The following SDCCAG8 variants were observed in gnomAD, a reference collection of about 807,000 sequenced individuals.
SDCCAG8 encodes the protein serologically defined colon cancer antigen 8.
SDCCAG8 carries 74 observed loss-of-function variants against 101.8 expected under a neutral mutation model. That is an observed-to-expected ratio of 0.73 (90% CI 0.60 to 0.88). The LOEUF (loss-of-function observed/expected upper bound fraction) is 0.88, where lower values mean the gene tolerates loss of function less well. Ranked by LOEUF, SDCCAG8 falls within the 40% of genes least tolerant of loss-of-function variation. The probability of loss-of-function intolerance (pLI) is 0.00; values close to 1 mark genes in which losing one functional copy is unlikely to be tolerated. For synonymous variants in SDCCAG8, 281 were observed against 292.9 expected (o/e 0.96, Z 0.41); for missense variants, 787 against 822.6 (o/e 0.96, Z 0.53).
intron 1 of SDCCAG8, chr1:243,267,735 A>G: frequency 2.5e-6 from 2 of 800,296 alleles, no homozygotes; most frequent in Non-Finnish European, 4.6e-6. Flanking sequence ...AATTGTTCAA[A>G]TCTTGGATCC....
chr1:243,274,331 C>T (rs1265664135), intron 3 of SDCCAG8, among the ~76,000 whole-genome samples: 1 of 152,168 alleles, frequency 6.6e-6, no homozygotes, highest in Non-Finnish European at 1.5e-5. Context: ...ATGCTGGGGG[C>T]CACATTTCAA....
At chr1:243,378,005 G>A (rs1191617820) in intron 12 of SDCCAG8, among the ~76,000 whole-genome samples, 1 of 151,368 alleles carries the variant, frequency 6.6e-6, no homozygotes. Flanking sequence ...TTGAGTTTCA[G>A]TAAGATAAGG....
intron 6 of SDCCAG8, among the ~76,000 whole-genome samples, chr1:243,295,001 C>T (rs2070726743): frequency 6.6e-6 from 1 of 152,116 alleles, no homozygotes; most frequent in Non-Finnish European, 1.5e-5. Flanking sequence ...TCTGCCCAGT[C>T]ACCCTCTCCT....
intron 4 of SDCCAG8, among the ~76,000 whole-genome samples, chr1:243,284,754 A>C (rs2069427470): frequency 6.6e-6 from 1 of 152,140 alleles, no homozygotes; most frequent in Admixed American, 6.5e-5. Flanking sequence ...CATATTTCAA[A>C]CTGGCTGCTT....
At chr1:243,481,325 G>A (rs986898118) in intron 16 of SDCCAG8, among the ~76,000 whole-genome samples, 23 of 152,162 alleles carry the variant, frequency 1.5e-4, no homozygotes, top group African/African-American at 5.3e-4. Context: ...GCCTTGCTCT[G>A]TGGCCTTGGT....
chr1:243,412,517 T>C (rs2080255925), intron 13 of SDCCAG8, among the ~76,000 whole-genome samples: 1 of 152,242 alleles, frequency 6.6e-6, no homozygotes, highest in African/African-American at 2.4e-5. Context: ...CAGCTTTGAA[T>C]GCAGCCCGAT....
rs180809206 is a variant in SDCCAG8, at chr1:243,459,811, C to T, written c.1986-29203C>T. 2.0e-5 allele frequency among the ~76,000 whole-genome samples: 3 copies of T among 152,200 alleles called. No homozygotes were observed. In the East Asian group the frequency reaches 5.8e-4, roughly 29 times the overall value. The stretch of plus-strand genomic sequence containing the variant: ...CTGGTGATGAGGTCTCACTACATTG[C>T]CCAGGCTGGTCTTGAACTCCTGGCC... On this transcript the variant is annotated intron_variant, in intron 16 of 17. Transcript: ENST00000366541.
intron 6 of SDCCAG8, among the ~76,000 whole-genome samples, chr1:243,296,976 T>G (rs1389442718): frequency 1.3e-5 from 2 of 152,066 alleles, no homozygotes; most frequent in Non-Finnish European, 2.9e-5. Context: ...TAACATAACA[T>G]TCAGTAAAGT....
In SDCCAG8 at chr1:243,275,864, T is replaced by G. The variant is rs935618019; in HGVS notation, c.420+1208T>G. Among the ~76,000 whole-genome samples, 8 of 133,838 alleles carry G rather than the reference T, an allele frequency of 6.0e-5. No homozygotes were observed. In the South Asian group the frequency reaches 1.6e-3, roughly 27 times the overall value. The allele number at this position is 133,838 out of a possible 152,430, so 87.8% of individuals were successfully genotyped here. ...AGAGATCTTGAACCAATGTTTTTTT[T>G]TTTTTTTTTTTTTTTTTTTTGATGG... On this transcript the variant is annotated intron_variant, in intron 4 of 17. Transcript: ENST00000366541.
At chr1:243,412,607 C>T (rs1307995832) in intron 13 of SDCCAG8, among the ~76,000 whole-genome samples, 10 of 149,322 alleles carry the variant, frequency 6.7e-5, no homozygotes, top group African/African-American at 2.5e-4. Context: ...TTTTTTTTTT[C>T]CCAGCTCATC....
chr1:243,497,824 G>C (rs983268032), intron 17 of SDCCAG8, among the ~76,000 whole-genome samples: 8 of 152,170 alleles, frequency 5.3e-5, no homozygotes, highest in African/African-American at 1.7e-4. Flanking sequence ...GACTACAGGG[G>C]TGCGCCACCA....
intron 5 of SDCCAG8, among the ~76,000 whole-genome samples, chr1:243,289,556 A>G (rs1229520044): frequency 6.6e-6 from 1 of 152,230 alleles, no homozygotes; most frequent in African/African-American, 2.4e-5. Flanking sequence ...GTGTCAAACT[A>G]TTTACGTTAT....
chr1:243,417,502 T>G (rs1014772476), intron 14 of SDCCAG8, among the ~76,000 whole-genome samples: 1 of 152,132 alleles, frequency 6.6e-6, no homozygotes, highest in African/African-American at 2.4e-5. Context: ...TTGGGGGTGG[T>G]GGTGGTAGTA....
At chr1:243,497,719 G>C (rs769990747) in intron 17 of SDCCAG8, among the ~76,000 whole-genome samples, 2 of 152,206 alleles carry the variant, frequency 1.3e-5, no homozygotes, top group Non-Finnish European at 2.9e-5. Flanking sequence ...TCTGTATTGT[G>C]TGTACGTGGG....
chr1:243,323,133 TAAAA>T (rs1008031575), intron 9 of SDCCAG8, among the ~76,000 whole-genome samples: 4 of 136,996 alleles, frequency 2.9e-5, no homozygotes, highest in Non-Finnish European at 6.4e-5. Context: ...GACTCCATCT[TAAAA>T]AAAAAAAAAA....
chr1:243,388,138 A>G (rs999225116), intron 13 of SDCCAG8, among the ~76,000 whole-genome samples: 15 of 152,230 alleles, frequency 9.9e-5, no homozygotes, highest in East Asian at 3.8e-4. Flanking sequence ...TAACTAGACC[A>G]TGTACAATCC....
chr1:243,454,696 A>G (rs937127111), intron 16 of SDCCAG8, among the ~76,000 whole-genome samples: 1 of 152,198 alleles, frequency 6.6e-6, no homozygotes, highest in Non-Finnish European at 1.5e-5. Flanking sequence ...TACATTATTC[A>G]ACAACTGAGA....
intron 16 of SDCCAG8, among the ~76,000 whole-genome samples, chr1:243,477,906 G>A (rs569402980): frequency 1.0e-3 from 152 of 152,354 alleles, no homozygotes; most frequent in African/African-American, 3.6e-3. Context: ...ACTGGTCTGG[G>A]ATGAGGCAAG....
intron 1 of SDCCAG8, among the ~76,000 whole-genome samples, chr1:243,257,682 C>A (rs954458912): frequency 6.6e-6 from 1 of 152,136 alleles, no homozygotes; most frequent in African/African-American, 2.4e-5. Context: ...ATTGTGTTAA[C>A]AAACTGTCGA....
Sources: allele counts gnomAD v4.1 joint callset (sites outside exome capture counted in the v4.1 genomes callset), GRCh38; gene constraint gnomAD v4.1.1; transcripts MANE v1.5; gene names NCBI Gene and HGNC (gene_info 2026-07-23, HGNC 2026-07-21).